The following PLEKHD1 variants were observed in gnomAD, a reference collection of about 807,000 sequenced individuals.
The protein encoded by PLEKHD1 is pleckstrin homology and coiled-coil domain containing D1.
In PLEKHD1, 51 loss-of-function variants were observed where a neutral mutation model predicts 69.2. The observed-to-expected ratio is 0.74, with a 90% CI of 0.59 to 0.93. The LOEUF is 0.93. PLEKHD1 is among the 40% of genes least tolerant of loss of function. The pLI, the probability that PLEKHD1 is intolerant of heterozygous loss-of-function variation, is 0.00. For missense variants in PLEKHD1, 584 were observed against 641.0 expected (o/e 0.91, Z 0.96); for synonymous variants, 236 against 244.7 (o/e 0.96, Z 0.33).
the PLEKHD1 span, among the ~76,000 whole-genome samples, chr14:69,476,550 T>C: frequency 7.7e-6 from 1 of 130,526 alleles, no homozygotes; most frequent in African/African-American, 2.8e-5. Context: ...AGCAACCCTA[T>C]CTCTTAAAAT....
rs1883011456 is a variant in PLEKHD1, at chr14:69,500,944, A to C, written c.407A>C (p.Lys136Thr). 6.4e-7 allele frequency: 1 copy of C among 1,551,462 alleles called. No homozygotes were observed. The highest frequency in any genetic ancestry group is 8.7e-7 in the Non-Finnish European group (1 of 1,146,966). The change falls in exon 4 of 13, where the codon AAG becomes ACG. Residue 136 changes from lysine to threonine, a missense_variant. By Grantham distance (78) the Lys-to-Thr change is moderately conservative. Coordinates refer to ENST00000322564, the MANE Select transcript of PLEKHD1 (RefSeq NM_001161498.2). ...CTGGAGATGCTGCAGGAGTCTGGGAAGGTGTAAGTGCTCACAGCCAGGAGG... is the reference window on the plus strand; with the variant it reads ...CTGGAGATGCTGCAGGAGTCTGGGACGGTGTAAGTGCTCACAGCCAGGAGG... ...QWLEMLQESG[K>T]VTWKNAQLGE...
chr14:69,511,740 A>G (rs992424321), intron 6 of PLEKHD1, among the ~76,000 whole-genome samples: 1 of 151,420 alleles, frequency 6.6e-6, no homozygotes, highest in Non-Finnish European at 1.5e-5. Context: ...TATTAGAGAC[A>G]TGGTTTCACC....
chr14:69,520,678 G>A (rs1346542354), intron 6 of PLEKHD1, among the ~76,000 whole-genome samples: 3 of 152,080 alleles, frequency 2.0e-5, no homozygotes, highest in East Asian at 1.9e-4. Context: ...GCAGTGAGCC[G>A]AGATTGTGTT....
At position 69,527,126 on chromosome 14, in the gene PLEKHD1, G is replaced by A. The variant is rs536144228; in HGVS notation, c.1057-62G>A. On this transcript the variant is annotated intron_variant, in intron 10 of 12. Transcript: ENST00000322564. ...CAGGGGTGACCAAGGAAGGCTTCCA[G>A]GGAAGATGGCAGCTACTTCCAGGAC... is the stretch of plus-strand genomic sequence containing the variant. 1.7e-4 allele frequency: 249 copies of A among 1,473,224 alleles called. 5 individuals carry two copies. In the South Asian group the frequency reaches 2.8e-3, roughly 17 times the overall value. The allele number at this position is 1,473,224 out of a possible 1,614,324, so 91.3% of individuals were successfully genotyped here. A position where few individuals can be genotyped will look rare whatever the true frequency, so the allele number is the denominator to read the frequency against.
chr14:69,483,509 C>A (rs539434721), upstream of PLEKHD1, among the ~76,000 whole-genome samples: 15 of 152,212 alleles, frequency 9.9e-5, no homozygotes, highest in South Asian at 3.1e-3. Flanking sequence ...CATGAAGAAA[C>A]TTTCTGCAGG....
chr14:69,502,507 C>T (rs1321734780), intron 5 of PLEKHD1: 1 of 375,924 alleles, frequency 2.7e-6, no homozygotes, highest in Non-Finnish European at 5.0e-6. Flanking sequence ...CCTTACTAGC[C>T]AGACATTAGT....
Position 69,506,693 on chromosome 14 carries a change from T to A in PLEKHD1, c.555+3814T>A, listed in dbSNP as rs577644695. 1.8e-3 allele frequency among the ~76,000 whole-genome samples: 274 copies of A among 152,158 alleles called. 1 individual carries two copies. Among genetic ancestry groups the A allele is most frequent in the Non-Finnish European group, 3.3e-3 (227 of 68,026 alleles). On this transcript the variant is annotated intron_variant, in intron 6 of 12. Transcript: ENST00000322564. ...AATATCCAGCACCACAGTGATACAT[T>A]TGTTACAATCAATGAGTCAACATTG...
intron 12 of PLEKHD1, 142 bp from the exon 13 acceptor site, chr14:69,528,108 T>C (rs745535667): frequency 4.3e-6 from 6 of 1,398,948 alleles, no homozygotes; most frequent in Non-Finnish European, 5.8e-6. Flanking sequence ...TCAAAGGATA[T>C]GGAAGCCCGT....
the PLEKHD1 span, among the ~76,000 whole-genome samples, chr14:69,476,214 A>C: frequency 2.1e-5 from 3 of 140,516 alleles, no homozygotes; most frequent in Admixed American, 2.3e-4. Context: ...GCCGAGATCG[A>C]GGCACTGCAT....
At chr14:69,487,756 CTGTTGACTGTGTCCTCATCT>C (rs1486213778) in intron 1 of PLEKHD1, among the ~76,000 whole-genome samples, 3 of 152,186 alleles carry the variant, frequency 2.0e-5, no homozygotes, top group African/African-American at 7.2e-5. Flanking sequence ...GAAGGGAAGG[CTGTTGACTGTGTCCTCATCT>C]TGGTCTGTGA....
At position 69,526,748 on chromosome 14, in the gene PLEKHD1, C is replaced by T; in HGVS notation, c.975C>T (p.Phe325=). 1.9e-6 allele frequency: 3 copies of T among 1,549,504 alleles called. No homozygotes were observed. The highest frequency in any genetic ancestry group is 2.4e-5 in the East Asian group (1 of 40,852). Residue 325 remains phenylalanine (F), a synonymous_variant, in exon 10 of 13, where the codon TTC becomes TTT. Transcript: ENST00000322564. The part of the protein sequence containing the change: ...RSRALEEERE[F]YSSQSQALQN... ...GGGCCCTGGAGGAGGAGCGTGAGTT[C>T]TACTCCAGCCAGTCCCAGGCACTGC... is the stretch of plus-strand genomic sequence containing the variant.
At chr14:69,499,716 A>G (rs1473790227) in intron 1 of PLEKHD1, among the ~76,000 whole-genome samples, 4 of 152,342 alleles carry the variant, frequency 2.6e-5, no homozygotes, top group African/African-American at 9.6e-5. Flanking sequence ...CCATCTTAGC[A>G]TCTTGCATCT....
intron 6 of PLEKHD1, among the ~76,000 whole-genome samples, chr14:69,509,153 C>T (rs1412256763): frequency 6.6e-6 from 1 of 152,208 alleles, no homozygotes; most frequent in Non-Finnish European, 1.5e-5. Flanking sequence ...ATGTGAGCCA[C>T]TGTGCCTGGC....
At chr14:69,503,908 C>G (rs1883094319) in intron 6 of PLEKHD1, among the ~76,000 whole-genome samples, 1 of 150,650 alleles carries the variant, frequency 6.6e-6, no homozygotes, top group Admixed American at 6.6e-5. Flanking sequence ...AAGCACTGGG[C>G]CTTGCCTGTT....
At chr14:69,487,765 G>C (rs1243944442) in intron 1 of PLEKHD1, among the ~76,000 whole-genome samples, 1 of 152,216 alleles carries the variant, frequency 6.6e-6, no homozygotes, top group Non-Finnish European at 1.5e-5. Flanking sequence ...GCTGTTGACT[G>C]TGTCCTCATC....
At chr14:69,524,135 C>G in intron 7 of PLEKHD1, 94 bp from the exon 8 acceptor site, 1 of 1,030,752 alleles carries the variant, frequency 9.7e-7, no homozygotes. Flanking sequence ...TGAGCCCCAT[C>G]AGGAAGTGAA....
chr14:69,525,470 T>G (rs796789660), intron 8 of PLEKHD1, among the ~76,000 whole-genome samples: 1 of 152,090 alleles, frequency 6.6e-6, no homozygotes, highest in African/African-American at 2.4e-5. Context: ...GAGGACATCT[T>G]TTTTTTGGAG....
At chr14:69,468,112 G>A in the PLEKHD1 span, among the ~76,000 whole-genome samples, 1 of 152,178 alleles carries the variant, frequency 6.6e-6, no homozygotes, top group Admixed American at 6.5e-5. Context: ...AAGAGGTCAG[G>A]CATTCACATG....
At chr14:69,495,831 A>G (rs1003972997) in intron 1 of PLEKHD1, among the ~76,000 whole-genome samples, 4 of 152,036 alleles carry the variant, frequency 2.6e-5, no homozygotes, top group Admixed American at 6.6e-5. Context: ...CCCACTCCCA[A>G]TTCCCCCTAA....
Sources: allele counts gnomAD v4.1 joint callset (sites outside exome capture counted in the v4.1 genomes callset), GRCh38; gene constraint gnomAD v4.1.1; transcripts MANE v1.5; gene names NCBI Gene and HGNC (gene_info 2026-07-23, HGNC 2026-07-21).